VPS37A: variants seen among roughly 807,000 people sequenced by gnomAD.
VPS37A encodes VPS37A subunit of ESCRT-I.
VPS37A carries 30 observed loss-of-function variants against 49.8 expected under a neutral mutation model. The observed-to-expected ratio is 0.60, with a 90% CI of 0.45 to 0.82. The LOEUF is 0.82. Among genes scored for constraint, VPS37A ranks in the 40% least tolerant of loss-of-function variants. VPS37A has a pLI of 0.00. For missense variants in VPS37A, 593 were observed against 464.4 expected (o/e 1.28, Z -2.55); for synonymous variants, 195 against 160.6 (o/e 1.21, Z -1.62).
chr8:17,326,942 A>G, the VPS37A span, among the ~76,000 whole-genome samples: 3 of 152,244 alleles, frequency 2.0e-5, no homozygotes, highest in African/African-American at 7.2e-5. Flanking sequence ...ATAAAGAGGG[A>G]AAAAGGGAAT....
At chr8:17,271,732 CTT>C (rs1814013469) in intron 4 of VPS37A, among the ~76,000 whole-genome samples, 1 of 152,176 alleles carries the variant, frequency 6.6e-6, no homozygotes, top group Non-Finnish European at 1.5e-5. Context: ...GAGACAATGT[CTT>C]TAAGATTCTT....
intron 1 of VPS37A, among the ~76,000 whole-genome samples, chr8:17,253,029 C>T (rs947892796): frequency 7.9e-5 from 12 of 152,144 alleles, no homozygotes; most frequent in South Asian, 2.1e-4. Flanking sequence ...GAGCGTATGA[C>T]GCAATAAAGC....
chr8:17,268,809 A>T (rs1389274048), intron 3 of VPS37A, 47 bp from the exon 4 acceptor site: 1 of 1,277,606 alleles, frequency 7.8e-7, no homozygotes, highest in Non-Finnish European at 1.1e-6. Flanking sequence ...AGACTTTATA[A>T]TCTTTTTCTG....
At chr8:17,264,114 GA>G (rs1813222635) in intron 1 of VPS37A, among the ~76,000 whole-genome samples, 1 of 151,980 alleles carries the variant, frequency 6.6e-6, no homozygotes, top group African/African-American at 2.4e-5. Flanking sequence ...TAGGTGGGTA[GA>G]TTTTTTTTAA....
the VPS37A span, among the ~76,000 whole-genome samples, chr8:17,318,526 A>G: frequency 3.9e-4 from 60 of 152,180 alleles, no homozygotes; most frequent in Non-Finnish European, 6.2e-4. Flanking sequence ...AACATAACGG[A>G]TAGTGTTCCC....
intron 6 of VPS37A, 155 bp from the exon 7 acceptor site, chr8:17,279,873 T>C (rs1814873817): frequency 2.3e-6 from 2 of 852,960 alleles, no homozygotes; most frequent in Non-Finnish European, 3.8e-6. Context: ...TGATGTTTTA[T>C]TTGATTTTAA....
chr8:17,325,410 C>A, the VPS37A span, among the ~76,000 whole-genome samples: 3 of 152,212 alleles, frequency 2.0e-5, no homozygotes, highest in African/African-American at 7.2e-5. Context: ...ATCTCTAGGG[C>A]CACCTGACTT....
intron 6 of VPS37A, among the ~76,000 whole-genome samples, chr8:17,278,625 G>T (rs1010812855): frequency 2.6e-5 from 4 of 152,016 alleles, no homozygotes; most frequent in African/African-American, 9.7e-5. Flanking sequence ...TTTCTCTGAA[G>T]GGTGCTTGTT....
chr8:17,331,321 TTGATGAAACAA>T, the VPS37A span: 3 of 1,544,576 alleles, frequency 1.9e-6, no homozygotes, highest in Non-Finnish European at 1.7e-6. Context: ...ATCAATTACA[TTGATGAAACAA>T]TGATGAAACA....
intron 10 of VPS37A, among the ~76,000 whole-genome samples, chr8:17,285,154 A>AG (rs1236256890): frequency 6.6e-6 from 1 of 152,168 alleles, no homozygotes; most frequent in Non-Finnish European, 1.5e-5. Flanking sequence ...GTGCTGTGAG[A>AG]GGAACCTGAA....
the VPS37A span, among the ~76,000 whole-genome samples, chr8:17,309,639 TCTCA>T: frequency 1.3e-5 from 2 of 152,214 alleles, no homozygotes; most frequent in Admixed American, 6.5e-5. Context: ...GGATAGGTAT[TCTCA>T]CTCTTTTAGA....
Position 17,295,309 on chromosome 8 carries a change from T to G in VPS37A, c.*323T>G, listed in dbSNP as rs1340077963. Reference sequence around the variant, plus strand: ...GCTAGTTTTTAATATTTTATAAAACTTCATTTAAATTTGTATTTTTAACTT... The same window carrying G: ...GCTAGTTTTTAATATTTTATAAAACGTCATTTAAATTTGTATTTTTAACTT... On this transcript the variant is annotated 3_prime_UTR_variant, in exon 12 of 12. Coordinates refer to ENST00000324849, the MANE Select transcript of VPS37A (RefSeq NM_152415.3). 1 of 152,650 alleles carries G rather than the reference T, an allele frequency of 6.6e-6. No individual in the cohort carries two copies. Among genetic ancestry groups the G allele is most frequent in the Non-Finnish European group, 1.5e-5 (1 of 68,050 alleles). The allele number at this position is 152,650 out of a possible 1,614,324, so 9.5% of individuals were successfully genotyped here. A position where few individuals can be genotyped will look rare whatever the true frequency, so the allele number is the denominator to read the frequency against.
At chr8:17,263,229 G>T (rs1483526559) in intron 1 of VPS37A, among the ~76,000 whole-genome samples, 1 of 151,916 alleles carries the variant, frequency 6.6e-6, no homozygotes, top group African/African-American at 2.4e-5. Flanking sequence ...AGAGCAATAT[G>T]TTTACAGTGG....
intron 11 of VPS37A, among the ~76,000 whole-genome samples, 178 bp from the exon 12 acceptor site, chr8:17,294,809 A>G (rs1816494886): frequency 6.6e-6 from 1 of 152,164 alleles, no homozygotes; most frequent in African/African-American, 2.4e-5. Flanking sequence ...TCAGCTGGAA[A>G]TGCAGAAATC....
intron 11 of VPS37A, among the ~76,000 whole-genome samples, chr8:17,292,872 C>G (rs1816278370): frequency 6.6e-6 from 1 of 152,230 alleles, no homozygotes; most frequent in Admixed American, 6.5e-5. Context: ...ACCTTTTTCT[C>G]TGGCTGCCCT....
At chr8:17,273,023 C>CTTTTTTTT (rs1166192119) in intron 4 of VPS37A, among the ~76,000 whole-genome samples, 19 of 43,826 alleles carry the variant, frequency 4.3e-4, no homozygotes, top group African/African-American at 1.4e-3. Context: ...TTTGCCCTTC[C>CTTTTTTTT]TTTTTTTTTT....
At chr8:17,268,435 A>G (rs928606747) in intron 3 of VPS37A, 63 bp downstream of exon 3, 9 of 1,248,674 alleles carry the variant, frequency 7.2e-6, no homozygotes, top group Non-Finnish European at 1.0e-5. Flanking sequence ...TCTACTAAAT[A>G]TTTTAGAAAT....
intron 1 of VPS37A, among the ~76,000 whole-genome samples, chr8:17,254,435 C>A (rs537903748): frequency 5.3e-5 from 8 of 152,152 alleles, no homozygotes; most frequent in Non-Finnish European, 1.2e-4. Context: ...AATTCCCTAG[C>A]CTACCTGCTG....
chr8:17,300,308 C>G (rs944153105), downstream of VPS37A: 1 of 1,369,910 alleles, frequency 7.3e-7, no homozygotes, highest in Non-Finnish European at 9.8e-7. Context: ...CATTTGTTAC[C>G]TCCCACGTGG....
Sources: gnomAD v4.1 joint callset for allele counts (sites outside exome capture counted in the v4.1 genomes callset) on GRCh38, gnomAD v4.1.1 for gene constraint, MANE v1.5 for transcripts, NCBI Gene and HGNC (gene_info 2026-07-23, HGNC 2026-07-21) for gene names.